MAML3: variants seen among roughly 807,000 people sequenced by gnomAD.
MAML3 encodes the protein mastermind-like protein 3.
In MAML3, 27 loss-of-function variants were observed where a neutral mutation model predicts 101.9. The ratio of observed to expected loss-of-function variants is 0.27; its 90% CI spans 0.20 to 0.37. MAML3 has a LOEUF of 0.37. Among genes scored for constraint, MAML3 ranks in the 10% least tolerant of loss-of-function variants. MAML3 has a pLI of 1.00. For synonymous variants in MAML3, 501 were observed against 555.9 expected, an observed-to-expected ratio of 0.90 and a Z score of 1.39; for missense variants, 1,316 against 1,444.9, an observed-to-expected ratio of 0.91 and a Z score of 1.45.
intron 2 of MAML3, among the ~76,000 whole-genome samples, chr4:139,800,251 A>G (rs560564029): frequency 2.4e-4 from 37 of 152,316 alleles, no homozygotes; most frequent in Non-Finnish European, 5.0e-4. Flanking sequence ...TGGTTAGAAC[A>G]GGAAGAAGGC....
intron 1 of MAML3, among the ~76,000 whole-genome samples, chr4:140,118,176 T>C (rs535299612): frequency 7.1e-4 from 108 of 151,532 alleles, no homozygotes; most frequent in African/African-American, 2.1e-3. Context: ...TTTTTTTTTT[T>C]CCCTACCGTG....
intron 1 of MAML3, among the ~76,000 whole-genome samples, chr4:139,944,334 C>T (rs1469419679): frequency 6.6e-6 from 1 of 152,156 alleles, no homozygotes; most frequent in African/African-American, 2.4e-5. Context: ...CCCCCTTCCC[C>T]CCATCCCACC....
At chr4:139,907,969 A>G (rs961315682) in intron 1 of MAML3, among the ~76,000 whole-genome samples, 8 of 152,176 alleles carry the variant, frequency 5.3e-5, no homozygotes, top group Admixed American at 3.9e-4. Context: ...TCCACATTGC[A>G]TGTATTACCT....
chr4:140,041,080 A>G (rs917192085), intron 1 of MAML3, among the ~76,000 whole-genome samples: 4 of 152,144 alleles, frequency 2.6e-5, no homozygotes, highest in Admixed American at 2.0e-4. Context: ...CAACATTTAA[A>G]ATAAGATTTT....
intron 2 of MAML3, among the ~76,000 whole-genome samples, chr4:139,866,908 C>T (rs1176415869): frequency 6.6e-6 from 1 of 152,178 alleles, no homozygotes; most frequent in Non-Finnish European, 1.5e-5. Context: ...TGTTCACTTG[C>T]CTTTCCAATT....
At chr4:139,914,665 G>C (rs949335633) in intron 1 of MAML3, among the ~76,000 whole-genome samples, 2 of 152,184 alleles carry the variant, frequency 1.3e-5, no homozygotes, top group African/African-American at 4.8e-5. Flanking sequence ...CAAACAGCTA[G>C]AACTAAATGA....
intron 1 of MAML3, among the ~76,000 whole-genome samples, chr4:140,112,064 A>G (rs1442650594): frequency 1.3e-5 from 2 of 152,142 alleles, no homozygotes; most frequent in Non-Finnish European, 2.9e-5. Context: ...GTCCTTTTTT[A>G]TACTTATTAG....
intron 2 of MAML3, among the ~76,000 whole-genome samples, chr4:139,796,652 T>C (rs567537390): frequency 6.6e-6 from 1 of 152,310 alleles, no homozygotes; most frequent in East Asian, 1.9e-4. Flanking sequence ...GGACAGACCA[T>C]GGTTTAGCTT....
At chr4:140,134,698 G>A in intron 1 of MAML3, 1 of 265,560 alleles carries the variant, frequency 3.8e-6, no homozygotes, top group South Asian at 4.0e-5. Context: ...AAAGAAATTC[G>A]CTTGTCCCAG....
chr4:140,092,000 G>T (rs1728060316), intron 1 of MAML3, among the ~76,000 whole-genome samples: 1 of 150,260 alleles, frequency 6.7e-6, no homozygotes, highest in Non-Finnish European at 1.5e-5. Flanking sequence ...AAAAGCAGTG[G>T]GGTATCATCT....
intron 1 of MAML3, among the ~76,000 whole-genome samples, chr4:140,004,802 A>G (rs1465790914): frequency 6.6e-6 from 1 of 151,322 alleles, no homozygotes; most frequent in Non-Finnish European, 1.5e-5. Flanking sequence ...AGAGAGACAC[A>G]TGGTCATTTC....
intron 1 of MAML3, among the ~76,000 whole-genome samples, chr4:139,899,329 C>T (rs913757742): frequency 2.0e-5 from 3 of 152,022 alleles, no homozygotes; most frequent in Non-Finnish European, 2.9e-5. Flanking sequence ...CTTTTTGAAA[C>T]CTTAGAGGAT....
intron 2 of MAML3, among the ~76,000 whole-genome samples, chr4:139,856,314 C>T (rs886836316): frequency 5.3e-5 from 8 of 151,888 alleles, no homozygotes; most frequent in South Asian, 2.1e-4. Flanking sequence ...TTGTCATTTA[C>T]GAAGTCGAAT....
At chr4:140,101,850 A>ATTT (rs199963434) in intron 1 of MAML3, among the ~76,000 whole-genome samples, 1 of 140,862 alleles carries the variant, frequency 7.1e-6, no homozygotes, top group African/African-American at 2.6e-5. Context: ...TCAGCTGAGC[A>ATTT]TTTTTTTTTT....
intron 2 of MAML3, among the ~76,000 whole-genome samples, chr4:139,815,773 G>T (rs570451845): frequency 4.5e-4 from 68 of 152,286 alleles, no homozygotes; most frequent in Non-Finnish European, 7.3e-4. Context: ...CAAAACTGAA[G>T]TTTCCTCTGA....
intron 2 of MAML3, among the ~76,000 whole-genome samples, chr4:139,842,936 C>G (rs1168021544): frequency 6.6e-6 from 1 of 151,714 alleles, no homozygotes; most frequent in African/African-American, 2.4e-5. Flanking sequence ...TGCCACCATG[C>G]CTGGCTAAGT....
At chr4:139,911,681 G>A (rs987892354) in intron 1 of MAML3, among the ~76,000 whole-genome samples, 3 of 152,204 alleles carry the variant, frequency 2.0e-5, no homozygotes, top group African/African-American at 7.2e-5. Flanking sequence ...AGTCATGGCA[G>A]TGGATCCTTC....
intron 1 of MAML3, among the ~76,000 whole-genome samples, chr4:140,018,544 C>T (rs139722796): frequency 8.1e-4 from 123 of 152,286 alleles, no homozygotes; most frequent in African/African-American, 2.9e-3. Flanking sequence ...ATTCTGTCAA[C>T]TTTTCTGCAT....
chr4:139,739,425 T>C (rs1729075480), intron 2 of MAML3, among the ~76,000 whole-genome samples: 1 of 152,254 alleles, frequency 6.6e-6, no homozygotes, highest in South Asian at 2.1e-4. Context: ...TTGAGAGTTA[T>C]GCTTTTCGTC....
Sources: gnomAD v4.1 joint callset for allele counts (sites outside exome capture counted in the v4.1 genomes callset) on GRCh38, gnomAD v4.1.1 for gene constraint, MANE v1.5 for transcripts, NCBI Gene and HGNC (gene_info 2026-07-23, HGNC 2026-07-21) for gene names.